ATL1: variants seen among roughly 807,000 people sequenced by gnomAD.
ATL1 encodes atlastin-1.
Under a neutral mutation model 75.5 loss-of-function variants are expected in ATL1, and 31 were observed. That is an observed-to-expected ratio of 0.41 (90% CI 0.31 to 0.55). ATL1 has a LOEUF of 0.55. Ranked by LOEUF, ATL1 falls within the 20% of genes least tolerant of loss-of-function variation. The pLI, the probability that ATL1 is intolerant of heterozygous loss-of-function variation, is 0.27. For synonymous variants in ATL1, 226 were observed against 233.3 expected (o/e 0.97, Z 0.28); for missense variants, 405 against 662.6 (o/e 0.61, Z 4.27).
At chr14:50,554,354 G>A (rs2038739556) in intron 1 of ATL1, among the ~76,000 whole-genome samples, 1 of 152,106 alleles carries the variant, frequency 6.6e-6, no homozygotes, top group South Asian at 2.1e-4. Flanking sequence ...TTTTTATGAT[G>A]TTTTGTATAC....
intron 6 of ATL1, among the ~76,000 whole-genome samples, chr14:50,609,003 G>T (rs1345335893): frequency 6.6e-6 from 1 of 151,838 alleles, no homozygotes; most frequent in Non-Finnish European, 1.5e-5. Context: ...GGGAGGAGAG[G>T]CTCCATCTTA....
chr14:50,538,482 A>C (rs2140142344), intron 1 of ATL1, among the ~76,000 whole-genome samples: 1 of 152,352 alleles, frequency 6.6e-6, no homozygotes, highest in South Asian at 2.1e-4. Context: ...TCACAAATTG[A>C]TTTTGTCTGC....
intron 1 of ATL1, among the ~76,000 whole-genome samples, chr14:50,540,625 A>T (rs1311446367): frequency 6.6e-6 from 1 of 152,220 alleles, no homozygotes; most frequent in Non-Finnish European, 1.5e-5. Context: ...GCAGTCTCAA[A>T]ATACCGCCAA....
Position 50,609,603 on chromosome 14 carries a change from C to CTA in ATL1, c.631-3653_631-3652dup, listed in dbSNP as rs571996714. Among the ~76,000 whole-genome samples, 17 of 152,018 alleles carry CTA rather than the reference C, an allele frequency of 1.1e-4. No homozygotes were observed. In the South Asian group the frequency reaches 1.2e-3, roughly 11 times the overall value. On this transcript the variant is annotated intron_variant, in intron 6 of 13. Coordinates refer to ENST00000358385, the MANE Select transcript of ATL1 (RefSeq NM_015915.5). Reference sequence around the variant, plus strand: ...ATAATATAGACATTCAGTGGAAACTCTATAGTCCTGAATTTGAATTGGGAA... The same window carrying CTA: ...ATAATATAGACATTCAGTGGAAACTCTATATAGTCCTGAATTTGAATTGGGAA...
At chr14:50,597,717 C>T (rs535194496) in intron 6 of ATL1, among the ~76,000 whole-genome samples, 1 of 151,870 alleles carries the variant, frequency 6.6e-6, no homozygotes, top group Non-Finnish European at 1.5e-5. Context: ...CTTTTTGAGA[C>T]GGAGTCTCAC....
intron 6 of ATL1, among the ~76,000 whole-genome samples, chr14:50,599,844 G>T (rs757089091): frequency 6.6e-6 from 1 of 152,106 alleles, no homozygotes; most frequent in Non-Finnish European, 1.5e-5. Context: ...AGCATGGAGA[G>T]ATGATGTATG....
At chr14:50,554,490 G>A (rs922313461) in intron 1 of ATL1, among the ~76,000 whole-genome samples, 4 of 152,186 alleles carry the variant, frequency 2.6e-5, no homozygotes, top group African/African-American at 9.7e-5. Flanking sequence ...GCTGGGGAAT[G>A]GGGTGGATTG....
chr14:50,536,147 T>G (rs2038488895), intron 1 of ATL1, among the ~76,000 whole-genome samples: 1 of 152,220 alleles, frequency 6.6e-6, no homozygotes, highest in Non-Finnish European at 1.5e-5. Flanking sequence ...GAAAACAGAC[T>G]AATACATTAA....
At chr14:50,601,997 A>G (rs2039275732) in intron 6 of ATL1, among the ~76,000 whole-genome samples, 1 of 152,142 alleles carries the variant, frequency 6.6e-6, no homozygotes. Context: ...TTTCTTGGTC[A>G]TTTAGACTTG....
At chr14:50,555,458 T>C (rs2038754600), upstream of ATL1, among the ~76,000 whole-genome samples, 1 of 152,064 alleles carries the variant, frequency 6.6e-6, no homozygotes, top group South Asian at 2.1e-4. Context: ...ATTTTTTGTA[T>C]TTTTTAGTAG....
At chr14:50,620,392 T>C (rs1010792444) in intron 8 of ATL1, among the ~76,000 whole-genome samples, 4 of 152,124 alleles carry the variant, frequency 2.6e-5, no homozygotes, top group Admixed American at 2.0e-4. Context: ...GAAGACAAGA[T>C]ACATATGAAA....
At chr14:50,607,610 G>A (rs1595610957) in intron 6 of ATL1, among the ~76,000 whole-genome samples, 1 of 151,944 alleles carries the variant, frequency 6.6e-6, no homozygotes, top group African/African-American at 2.4e-5. Flanking sequence ...ACCAGTTCTG[G>A]TGTTTACCTT....
chr14:50,573,363 T>G (rs975922748), intron 1 of ATL1, among the ~76,000 whole-genome samples: 2 of 152,240 alleles, frequency 1.3e-5, no homozygotes, highest in African/African-American at 4.8e-5. Context: ...CTGTCCAATA[T>G]GGTAGCCATT....
At chr14:50,586,322 A>T (rs2039101754) in intron 1 of ATL1, among the ~76,000 whole-genome samples, 1 of 152,184 alleles carries the variant, frequency 6.6e-6, no homozygotes, top group Admixed American at 6.5e-5. Context: ...TGGCAGCTGG[A>T]TGAGATGAGA....
intron 1 of ATL1, among the ~76,000 whole-genome samples, chr14:50,536,436 CAAAA>C (rs34686813): frequency 1.4e-4 from 15 of 107,210 alleles, no homozygotes; most frequent in African/African-American, 2.6e-4. Flanking sequence ...AACTCTGTCT[CAAAA>C]AAAAAAAAAA....
intron 1 of ATL1, among the ~76,000 whole-genome samples, chr14:50,587,044 A>G (rs1354543965): frequency 2.6e-5 from 4 of 152,122 alleles, no homozygotes; most frequent in Non-Finnish European, 5.9e-5. Flanking sequence ...TAATTTCCTC[A>G]TCTATAATAA....
At chr14:50,612,004 C>T (rs752610992) in intron 6 of ATL1, among the ~76,000 whole-genome samples, 1 of 152,102 alleles carries the variant, frequency 6.6e-6, no homozygotes, top group Non-Finnish European at 1.5e-5. Flanking sequence ...GAACTAGAGA[C>T]ACTGAAATGC....
chr14:50,610,751 T>C (rs1262758630), intron 6 of ATL1, among the ~76,000 whole-genome samples: 2 of 152,158 alleles, frequency 1.3e-5, no homozygotes, highest in African/African-American at 2.4e-5. Context: ...CTGTACTAGG[T>C]GTTAAGGATA....
At chr14:50,572,107 A>G (rs181633907) in intron 1 of ATL1, 6 of 476,504 alleles carry the variant, frequency 1.3e-5, no homozygotes, top group African/African-American at 1.0e-4. Flanking sequence ...TTGTCCATAA[A>G]TTTTTTTAAA....
Sources: allele counts gnomAD v4.1 joint callset (sites outside exome capture counted in the v4.1 genomes callset), GRCh38; gene constraint gnomAD v4.1.1; transcripts MANE v1.5; gene names NCBI Gene and HGNC (gene_info 2026-07-23, HGNC 2026-07-21).